Variants in INPP4B observed in about 807,000 individuals in gnomAD.
INPP4B encodes inositol polyphosphate 4-phosphatase type II.
INPP4B carries 55 observed loss-of-function variants against 122.5 expected under a neutral mutation model. That is an observed-to-expected ratio of 0.45 (90% CI 0.36 to 0.56). The LOEUF (loss-of-function observed/expected upper bound fraction) is 0.56, where lower values mean the gene tolerates loss of function less well. Among genes scored for constraint, INPP4B ranks in the 20% least tolerant of loss-of-function variants. INPP4B has a pLI of 0.00. For synonymous variants in INPP4B, 403 were observed against 388.7 expected, an observed-to-expected ratio of 1.04 and a Z score of -0.43; for missense variants, 1,000 against 1,097.7, an observed-to-expected ratio of 0.91 and a Z score of 1.26.
intron 16 of INPP4B, among the ~76,000 whole-genome samples, chr4:142,162,759 T>C (rs890374352): frequency 2.1e-4 from 32 of 151,976 alleles, no homozygotes; most frequent in African/African-American, 7.0e-4. Flanking sequence ...AGGGAGATCA[T>C]GCAGGAGAGT....
At chr4:142,315,863 A>T (rs1279182324) in intron 7 of INPP4B, among the ~76,000 whole-genome samples, 1 of 151,896 alleles carries the variant, frequency 6.6e-6, no homozygotes, top group East Asian at 1.9e-4. Flanking sequence ...ATTTTAAGGG[A>T]TCATTTTAAC....
At chr4:142,205,624 T>G (rs532348029) in intron 14 of INPP4B, among the ~76,000 whole-genome samples, 1 of 152,270 alleles carries the variant, frequency 6.6e-6, no homozygotes, top group African/African-American at 2.4e-5. Context: ...TTACATACCC[T>G]AACTCAATCA....
intron 2 of INPP4B, among the ~76,000 whole-genome samples, chr4:142,629,063 G>A (rs1747287475): frequency 6.6e-6 from 1 of 151,998 alleles, no homozygotes; most frequent in South Asian, 2.1e-4. Flanking sequence ...CTATTTTGAT[G>A]AGAGTATGCT....
intron 15 of INPP4B, among the ~76,000 whole-genome samples, chr4:142,182,389 A>G (rs1381233404): frequency 6.6e-6 from 1 of 152,052 alleles, no homozygotes; most frequent in East Asian, 1.9e-4. Context: ...TCTACAAAAA[A>G]TACAAAAAAT....
chr4:142,787,211 T>C (rs1170067653), intron 1 of INPP4B, among the ~76,000 whole-genome samples: 1 of 152,136 alleles, frequency 6.6e-6, no homozygotes, highest in Admixed American at 6.6e-5. Context: ...TTTAAATTTA[T>C]CCTTCAAATA....
intron 9 of INPP4B, among the ~76,000 whole-genome samples, chr4:142,284,564 T>C (rs1752659455): frequency 6.6e-6 from 1 of 152,072 alleles, no homozygotes; most frequent in African/African-American, 2.4e-5. Context: ...TGGGAACTTG[T>C]CAGATTCTTC....
intron 2 of INPP4B, chr4:142,514,488 C>G (rs977484378): frequency 1.3e-5 from 2 of 152,114 alleles, no homozygotes; most frequent in African/African-American, 4.8e-5. Context: ...CTTGACATTT[C>G]AAATTTATAT....
intron 11 of INPP4B, among the ~76,000 whole-genome samples, chr4:142,242,256 T>G (rs559223280): frequency 6.6e-6 from 1 of 152,092 alleles, no homozygotes; most frequent in Non-Finnish European, 1.5e-5. Context: ...AAAAACACTA[T>G]CCTTAGCATG....
chr4:142,453,562 G>T (rs1454836278), intron 3 of INPP4B, among the ~76,000 whole-genome samples: 1 of 151,976 alleles, frequency 6.6e-6, no homozygotes, highest in Non-Finnish European at 1.5e-5. Flanking sequence ...CATGATTATT[G>T]TAATTTCACT....
intron 12 of INPP4B, among the ~76,000 whole-genome samples, chr4:142,233,214 G>T (rs1239498455): frequency 8.8e-5 from 13 of 147,964 alleles, no homozygotes; most frequent in African/African-American, 3.3e-4. Context: ...GTGTGTGTGT[G>T]TGTGAGTGAG....
At chr4:142,035,236 T>A (rs943570189) in intron 25 of INPP4B, among the ~76,000 whole-genome samples, 1 of 152,254 alleles carries the variant, frequency 6.6e-6, no homozygotes, top group East Asian at 1.9e-4. Flanking sequence ...TCTGCCTGCT[T>A]GAGAGATTTG....
At chr4:142,586,805 TG>T (rs1301992483) in intron 2 of INPP4B, among the ~76,000 whole-genome samples, 7 of 151,944 alleles carry the variant, frequency 4.6e-5, no homozygotes, top group African/African-American at 1.7e-4. Flanking sequence ...TTCTGAGGAG[TG>T]ATATTTAGGG....
chr4:142,033,030 C>A (rs1578669619), intron 25 of INPP4B, among the ~76,000 whole-genome samples: 1 of 151,574 alleles, frequency 6.6e-6, no homozygotes, highest in Admixed American at 6.6e-5. Context: ...AATAAAAAAG[C>A]CTAAAACATG....
chr4:142,549,595 T>C (rs79259652), intron 2 of INPP4B, among the ~76,000 whole-genome samples: 5,959 of 152,200 alleles, frequency 0.039, 170 homozygotes, highest in South Asian at 0.068. Context: ...TCCAGGGTGA[T>C]CATATATTGA....
chr4:142,672,513 T>G (rs1435222311), intron 2 of INPP4B, among the ~76,000 whole-genome samples: 2 of 152,166 alleles, frequency 1.3e-5, no homozygotes, highest in Non-Finnish European at 2.9e-5. Context: ...TGACTAATGA[T>G]GTTGAGCATC....
chr4:142,500,838 GA>G (rs1449972459), intron 2 of INPP4B, among the ~76,000 whole-genome samples: 3 of 152,130 alleles, frequency 2.0e-5, no homozygotes, highest in Admixed American at 2.0e-4. Flanking sequence ...CAAACTCATA[GA>G]ATTAGAAAGT....
intron 2 of INPP4B, among the ~76,000 whole-genome samples, chr4:142,611,930 A>G (rs911344483): frequency 6.6e-6 from 1 of 152,076 alleles, no homozygotes; most frequent in African/African-American, 2.4e-5. Context: ...CAGCCTCCCA[A>G]AGTGCTGGGA....
intron 7 of INPP4B, among the ~76,000 whole-genome samples, chr4:142,333,998 C>T (rs2151581856): frequency 6.6e-6 from 1 of 152,248 alleles, no homozygotes; most frequent in Middle Eastern, 3.4e-3. Context: ...AGTCTGTACC[C>T]TTTGATCATC....
intron 17 of INPP4B, among the ~76,000 whole-genome samples, chr4:142,157,335 T>C (rs1307856254): frequency 6.6e-6 from 1 of 152,162 alleles, no homozygotes; most frequent in African/African-American, 2.4e-5. Context: ...ATGTTTTCAG[T>C]AGAAAGCGGT....
Sources: allele counts gnomAD v4.1 joint callset (sites outside exome capture counted in the v4.1 genomes callset), GRCh38; gene constraint gnomAD v4.1.1; transcripts MANE v1.5; gene names NCBI Gene and HGNC (gene_info 2026-07-23, HGNC 2026-07-21).